PARM1: variants seen among roughly 807,000 people sequenced by gnomAD.
PARM1 encodes the protein prostate androgen-regulated mucin-like protein 1.
In PARM1, 14 loss-of-function variants were observed where a neutral mutation model predicts 24.6. The observed-to-expected ratio is 0.57, with a 90% CI of 0.38 to 0.89. The LOEUF is 0.89. PARM1 is among the 40% of genes least tolerant of loss of function. PARM1 has a pLI of 0.00. For synonymous variants in PARM1, 179 were observed against 156.6 expected (o/e 1.14, Z -1.07); for missense variants, 362 against 380.4 (o/e 0.95, Z 0.40).
intron 1 of PARM1, among the ~76,000 whole-genome samples, chr4:74,981,802 G>C (rs1482989441): frequency 1.3e-5 from 2 of 150,646 alleles, no homozygotes; most frequent in Non-Finnish European, 2.9e-5. Context: ...TTGAACCTGG[G>C]CAGCAGAGGT....
intron 2 of PARM1, among the ~76,000 whole-genome samples, chr4:75,021,563 A>G (rs570435517): frequency 3.3e-5 from 5 of 151,994 alleles, no homozygotes; most frequent in Non-Finnish European, 5.9e-5. Context: ...TACTGAGGTA[A>G]TAAGCATAGT....
intron 2 of PARM1, among the ~76,000 whole-genome samples, chr4:75,017,174 T>C (rs1723004444): frequency 6.6e-6 from 1 of 152,172 alleles, no homozygotes; most frequent in East Asian, 1.9e-4. Flanking sequence ...GCAACTGATC[T>C]CACTATTCAC....
At chr4:75,036,984 A>G (rs1560799924) in intron 3 of PARM1, among the ~76,000 whole-genome samples, 1 of 152,136 alleles carries the variant, frequency 6.6e-6, no homozygotes, top group Non-Finnish European at 1.5e-5. Context: ...TTCTCTATTA[A>G]TTATTTTGGT....
At chr4:74,992,995 A>C (rs537818493) in intron 1 of PARM1, among the ~76,000 whole-genome samples, 1 of 152,214 alleles carries the variant, frequency 6.6e-6, no homozygotes, top group Non-Finnish European at 1.5e-5. Context: ...GACAGCTTCT[A>C]AATAGCTTCT....
Position 74,933,140 on chromosome 4 carries a change from C to G in PARM1, c.-188C>G. 1.8e-6 allele frequency: 1 copy of G among 550,550 alleles called. No homozygotes were observed. Among genetic ancestry groups the G allele is most frequent in the African/African-American group, 2.0e-5 (1 of 50,266 alleles). The allele number at this position is 550,550 out of a possible 1,614,324, so 34.1% of individuals were successfully genotyped here. On this transcript the variant is annotated 5_prime_UTR_variant, in exon 1 of 4. Coordinates refer to ENST00000307428, the MANE Select transcript of PARM1 (RefSeq NM_015393.4). ...CAGAAGAGCGCGGAGCACCGGAGGG[C>G]ACGCAGCTGACGGAGCTGCGCTGCG...
At chr4:75,036,092 G>T (rs902218921) in intron 3 of PARM1, among the ~76,000 whole-genome samples, 1 of 152,090 alleles carries the variant, frequency 6.6e-6, no homozygotes, top group East Asian at 1.9e-4. Flanking sequence ...TTCCCAAAAA[G>T]GAACTTACAC....
At chr4:74,981,270 AAAAC>A (rs756824880) in intron 1 of PARM1, among the ~76,000 whole-genome samples, 6 of 152,226 alleles carry the variant, frequency 3.9e-5, no homozygotes, top group Admixed American at 2.0e-4. Flanking sequence ...TTACAAGAAG[AAAAC>A]AAACAACCTC....
chr4:75,001,287 T>C (rs766113365), intron 1 of PARM1, among the ~76,000 whole-genome samples: 61 of 152,224 alleles, frequency 4.0e-4, no homozygotes, highest in Admixed American at 6.5e-5. Flanking sequence ...AAGTACAATT[T>C]ATAATGATAA....
rs77469568 is a variant in PARM1 at position 74,933,892 on chromosome 4, A to G, written c.43+522A>G. Among the ~76,000 whole-genome samples, 865 of 152,098 alleles carry G rather than the reference A, an allele frequency of 5.7e-3. 7 individuals carry two copies. Among genetic ancestry groups the G allele is most frequent in the African/African-American group, 0.02 (814 of 41,492 alleles). On this transcript the variant is annotated intron_variant, in intron 1 of 3. Coordinates refer to ENST00000307428, the MANE Select transcript of PARM1 (RefSeq NM_015393.4). The stretch of plus-strand genomic sequence containing the variant: ...TCTCTGATCTCCGGCGTCCCTTCCT[A>G]GTTATGCTTAGGATGATGTGGCACT...
At chr4:74,939,856 CAT>C (rs1340946210) in intron 1 of PARM1, among the ~76,000 whole-genome samples, 1 of 152,162 alleles carries the variant, frequency 6.6e-6, no homozygotes, top group East Asian at 1.9e-4. Context: ...ATTTAGAAAA[CAT>C]GTCTATTCAA....
chr4:75,011,899 T>G (rs1211206119), intron 1 of PARM1, among the ~76,000 whole-genome samples: 1 of 152,212 alleles, frequency 6.6e-6, no homozygotes, highest in East Asian at 1.9e-4. Context: ...AAGTGCAGAA[T>G]GGATAGCCCT....
At chr4:74,989,483 G>T in intron 1 of PARM1, among the ~76,000 whole-genome samples, 1 of 152,202 alleles carries the variant, frequency 6.6e-6, no homozygotes, top group East Asian at 1.9e-4. Context: ...AAGGTATGTA[G>T]GAAGGGATGT....
chr4:75,006,976 C>G (rs1722781989), intron 1 of PARM1, among the ~76,000 whole-genome samples: 1 of 152,186 alleles, frequency 6.6e-6, no homozygotes, highest in Non-Finnish European at 1.5e-5. Context: ...ATCTACCCAT[C>G]TGACAAAGGG....
At chr4:75,026,568 C>A (rs977930426) in intron 2 of PARM1, among the ~76,000 whole-genome samples, 8 of 152,190 alleles carry the variant, frequency 5.3e-5, no homozygotes, top group Non-Finnish European at 1.5e-5. Context: ...ATAAAAGGTG[C>A]ATCCTTATTC....
chr4:74,964,564 C>G (rs1721858932), intron 1 of PARM1, among the ~76,000 whole-genome samples: 1 of 151,598 alleles, frequency 6.6e-6, no homozygotes, highest in South Asian at 2.1e-4. Context: ...CACACACACA[C>G]ACACACACAC....
chr4:74,982,068 G>T (rs139402972), intron 1 of PARM1, among the ~76,000 whole-genome samples: 1 of 152,072 alleles, frequency 6.6e-6, no homozygotes, highest in Non-Finnish European at 1.5e-5. Context: ...TGATAGACTA[G>T]ATAATGAAAA....
intron 1 of PARM1, among the ~76,000 whole-genome samples, chr4:74,978,621 T>G (rs1722184583): frequency 6.6e-6 from 1 of 152,168 alleles, no homozygotes; most frequent in Non-Finnish European, 1.5e-5. Context: ...CTAATAGATA[T>G]ATACAAAACT....
chr4:74,964,383 C>T (rs17000039), intron 1 of PARM1, among the ~76,000 whole-genome samples: 6,202 of 152,242 alleles, frequency 0.041, 407 homozygotes, highest in African/African-American at 0.14. Context: ...GTTCCTAGAA[C>T]ATTCCTGCAG....
At chr4:74,965,641 A>G (rs183385865) in intron 1 of PARM1, among the ~76,000 whole-genome samples, 2 of 152,302 alleles carry the variant, frequency 1.3e-5, no homozygotes, top group Non-Finnish European at 2.9e-5. Context: ...TGCCACATCA[A>G]AAAGTCATCT....
Sources: gnomAD v4.1 joint callset for allele counts (sites outside exome capture counted in the v4.1 genomes callset) on GRCh38, gnomAD v4.1.1 for gene constraint, MANE v1.5 for transcripts, NCBI Gene and HGNC (gene_info 2026-07-23, HGNC 2026-07-21) for gene names.